The following COL12A1 variants were observed in gnomAD, a reference collection of about 807,000 sequenced individuals.
COL12A1 encodes the protein collagen alpha-1(XII) chain.
Under a neutral mutation model 349.7 loss-of-function variants are expected in COL12A1, and 114 were observed. The observed-to-expected ratio is 0.33, with a 90% CI of 0.28 to 0.38. The LOEUF is 0.38. Among genes scored for constraint, COL12A1 ranks in the 10% least tolerant of loss-of-function variants. COL12A1 has a pLI of 1.00. For missense variants in COL12A1, 3,284 were observed against 3,756.9 expected (o/e 0.87, Z 3.29); for synonymous variants, 1,369 against 1,329.0 (o/e 1.03, Z -0.66).
At chr6:75,135,252 A>G (rs1194277947) in intron 31 of COL12A1, among the ~76,000 whole-genome samples, 1 of 152,198 alleles carries the variant, frequency 6.6e-6, no homozygotes, top group African/African-American at 2.4e-5. Flanking sequence ...ACTTAATATT[A>G]TTCTTACCTT....
chr6:75,155,594 T>C (rs1435763741), intron 16 of COL12A1, 68 bp downstream of exon 16: 2 of 1,468,234 alleles, frequency 1.4e-6, no homozygotes, highest in African/African-American at 2.9e-5. Context: ...CCTACTAATT[T>C]ACAAAAGCTA....
chr6:75,091,205 G>T, intron 62 of COL12A1, 118 bp downstream of exon 62: 1 of 783,900 alleles, frequency 1.3e-6, no homozygotes, highest in Non-Finnish European at 2.0e-6. Context: ...AAGAACAAAA[G>T]CTTATCAAAT....
intron 21 of COL12A1, among the ~76,000 whole-genome samples, chr6:75,150,088 G>A (rs992468630): frequency 1.3e-5 from 2 of 152,050 alleles, no homozygotes; most frequent in Non-Finnish European, 2.9e-5. Context: ...CAGAGCAAGT[G>A]AACCATTTCT....
rs1769971184 is a variant in COL12A1 at position 75,192,270 on chromosome 6, C to T, written c.276G>A (p.Val92=). ...SELVPETEYV[V]TITSYDEVEE... Reference sequence around the variant, plus strand: ...CTACTTCATCATATGAAGTTATTGTCACCACATACTCTGTTTCAGGTACAA... The same window carrying T: ...CTACTTCATCATATGAAGTTATTGTTACCACATACTCTGTTTCAGGTACAA... Residue 92 remains valine (V), a synonymous_variant, in exon 4 of 66, where the codon GTG becomes GTA. Coordinates refer to ENST00000322507, the MANE Select transcript of COL12A1 (RefSeq NM_004370.6). 2 of 1,611,024 alleles carry T rather than the reference C, an allele frequency of 1.2e-6. No individual in the cohort carries two copies. The highest frequency in any genetic ancestry group is 1.7e-6 in the Non-Finnish European group (2 of 1,178,180).
intron 2 of COL12A1, among the ~76,000 whole-genome samples, chr6:75,197,889 C>T (rs1011917453): frequency 3.9e-5 from 6 of 152,104 alleles, no homozygotes; most frequent in African/African-American, 1.4e-4. Context: ...GTTACATAAA[C>T]TGGCAGGATT....
chr6:75,125,958 G>C (rs974945338), intron 39 of COL12A1, among the ~76,000 whole-genome samples: 1 of 152,128 alleles, frequency 6.6e-6, no homozygotes, highest in Admixed American at 6.6e-5. Context: ...AAGCAAGGCT[G>C]TCATGAATAA....
At chr6:75,182,714 C>A (rs1413124989) in intron 10 of COL12A1, among the ~76,000 whole-genome samples, 1 of 152,162 alleles carries the variant, frequency 6.6e-6, no homozygotes, top group Non-Finnish European at 1.5e-5. Context: ...AGCTCAGTAT[C>A]CAGCACATAG....
intron 22 of COL12A1, 95 bp downstream of exon 22, chr6:75,148,263 C>A (rs1767301457): frequency 7.7e-6 from 10 of 1,291,448 alleles, no homozygotes; most frequent in Non-Finnish European, 1.1e-5. Context: ...CTCTTCATCC[C>A]TCTTGCCCCT....
chr6:75,091,402 A>T lies in COL12A1; in HGVS notation c.8686-13T>A. The T allele has an allele frequency of 6.2e-7, 1 of 1,613,612 alleles. No individual in the cohort carries two copies. The highest frequency in any genetic ancestry group is 2.2e-5 in the East Asian group (1 of 44,820). ...AAGCAATGTCTCCCTTGTTGAATTA[A>T]TGAGAATGATTAGCATATTAGTTCT... On this transcript the variant is annotated splice_polypyrimidine_tract_variant and intron_variant, in intron 61 of 65. Coordinates refer to ENST00000322507, the MANE Select transcript of COL12A1 (RefSeq NM_004370.6).
chr6:75,158,436 C>A (rs1314150540), intron 14 of COL12A1, among the ~76,000 whole-genome samples: 1 of 152,148 alleles, frequency 6.6e-6, no homozygotes, highest in South Asian at 2.1e-4. Context: ...TAATCTTGAA[C>A]TTTCCAGCCT....
chr6:75,105,937 A>T (rs1014142170), intron 53 of COL12A1, among the ~76,000 whole-genome samples: 2 of 152,168 alleles, frequency 1.3e-5, no homozygotes, highest in East Asian at 3.9e-4. Context: ...CTGTGGATGT[A>T]TGTGGGTCTT....
chr6:75,095,552 G>T (rs1245546513), intron 59 of COL12A1, among the ~76,000 whole-genome samples: 3 of 149,818 alleles, frequency 2.0e-5, no homozygotes, highest in Non-Finnish European at 4.4e-5. Flanking sequence ...AGGAAGCGGA[G>T]CTTGCAGTGA....
chr6:75,187,052 T>C (rs1437413647), intron 8 of COL12A1, among the ~76,000 whole-genome samples: 3 of 151,804 alleles, frequency 2.0e-5, no homozygotes, highest in Admixed American at 1.3e-4. Context: ...TGAAATGATC[T>C]GTACAACAAG....
intron 2 of COL12A1, among the ~76,000 whole-genome samples, chr6:75,197,606 C>T (rs1471878969): frequency 6.6e-6 from 1 of 152,052 alleles, no homozygotes. Context: ...GCCACTGTGC[C>T]CAGCCCGGAA....
At chr6:75,128,984 A>T (rs1766162896) in intron 37 of COL12A1, among the ~76,000 whole-genome samples, 1 of 152,228 alleles carries the variant, frequency 6.6e-6, no homozygotes, top group Non-Finnish European at 1.5e-5. Context: ...AATGAACCAG[A>T]CATCTCAATC....
chr6:75,177,436 A>T (rs1305622744), intron 12 of COL12A1, among the ~76,000 whole-genome samples: 2 of 152,172 alleles, frequency 1.3e-5, no homozygotes, highest in African/African-American at 2.4e-5. Context: ...GTCTGAAAAA[A>T]ATTAATTAAA....
At chr6:75,148,911 G>A (rs985154430) in intron 21 of COL12A1, among the ~76,000 whole-genome samples, 1 of 152,118 alleles carries the variant, frequency 6.6e-6, no homozygotes, top group Non-Finnish European at 1.5e-5. Context: ...ACATGGGGGT[G>A]GTTTCCCCCA....
chr6:75,177,682 T>C lies in COL12A1; in HGVS notation c.2418A>G (p.Gly806=), dbSNP rs776558080. The C allele has an allele frequency of 1.9e-6, 3 of 1,614,018 alleles. No individual in the cohort carries two copies. In the African/African-American group the frequency reaches 4.0e-5, roughly 22 times the overall value. Residue 806 remains glycine, a synonymous_variant, in exon 12 of 66, where the codon GGA becomes GGG. Transcript: ENST00000322507. ...YFSGPGTPLT[G]NAATEEVRGN... is the part of the protein sequence containing the mutation. The stretch of plus-strand genomic sequence containing the variant: ...CTCTACCTTCTTCAGTGGCTGCATT[T>C]CCAGTTAATGGAGTACCAGGTCCTG...
At position 75,116,031 on chromosome 6, in the gene COL12A1, A is replaced by G; in HGVS notation, c.7546T>C (p.Tyr2516His). 6.2e-7 allele frequency: 1 copy of G among 1,613,460 alleles called. No individual in the cohort carries two copies. The highest frequency in any genetic ancestry group is 8.5e-7 in the Non-Finnish European group (1 of 1,179,572). The change falls in exon 48 of 66, where the codon TAC becomes CAC. Residue 2516 changes from tyrosine to histidine, a missense_variant. Tyr to His is a moderately conservative substitution (Grantham distance 83). This residue lies in a region of COL12A1 where 683 missense variants were observed against 932.1 expected (regional missense o/e 0.73). Transcript: ENST00000322507. ...TATAAATGCTTACCTGGTGAGGTGT[A>G]GCCATCCAAATAAATGAGAGGACAA... ...SSCPLIYLDG[Y>H]TSPGFKMLEA...
Sources: gnomAD v4.1 joint callset for allele counts (sites outside exome capture counted in the v4.1 genomes callset) on GRCh38, gnomAD v4.1.1 for gene constraint, gnomAD v4.1.1 regional missense constraint, MANE v1.5 for transcripts, NCBI Gene and HGNC (gene_info 2026-07-23, HGNC 2026-07-21) for gene names.